The following PLCG2 variants were observed in gnomAD, a reference collection of about 807,000 sequenced individuals.
The protein encoded by PLCG2 is 1-phosphatidylinositol 4,5-bisphosphate phosphodiesterase gamma-2.
In PLCG2, 69 loss-of-function variants were observed where a neutral mutation model predicts 175.6. The ratio of observed to expected loss-of-function variants is 0.39; its 90% CI spans 0.32 to 0.48. The LOEUF (loss-of-function observed/expected upper bound fraction) is 0.48, where lower values mean the gene tolerates loss of function less well. Among genes scored for constraint, PLCG2 ranks in the 20% least tolerant of loss-of-function variants. PLCG2 has a pLI of 0.91. For missense variants in PLCG2, 1,798 were observed against 1,650.9 expected (o/e 1.09, Z -1.54); for synonymous variants, 827 against 624.0 (o/e 1.33, Z -4.85).
intron 2 of PLCG2, among the ~76,000 whole-genome samples, chr16:81,803,070 C>G (rs186987756): frequency 1.3e-4 from 20 of 151,316 alleles, no homozygotes; most frequent in Admixed American, 7.9e-4. Context: ...ACAGAGTTTC[C>G]TATTCTGGAC....
At chr16:81,897,883 T>C (rs144863459) in intron 13 of PLCG2, 2 of 455,726 alleles carry the variant, frequency 4.4e-6, no homozygotes, top group African/African-American at 2.0e-5. Flanking sequence ...CAGATGTCCC[T>C]TGAGCTGGGT....
intron 9 of PLCG2, among the ~76,000 whole-genome samples, chr16:81,885,037 G>C (rs1908287048): frequency 6.9e-6 from 1 of 145,980 alleles, no homozygotes; most frequent in Non-Finnish European, 1.5e-5. Context: ...ACAGGTATGT[G>C]CCACCATGCC....
intron 19 of PLCG2, among the ~76,000 whole-genome samples, chr16:81,914,824 G>A (rs887567740): frequency 6.6e-6 from 1 of 152,150 alleles, no homozygotes; most frequent in Non-Finnish European, 1.5e-5. Flanking sequence ...AATCAGCAAG[G>A]ATGGCCGCTC....
At chr16:81,942,496 AG>A (rs1431179263) in intron 30 of PLCG2, among the ~76,000 whole-genome samples, 1 of 152,218 alleles carries the variant, frequency 6.6e-6, no homozygotes, top group Non-Finnish European at 1.5e-5. Flanking sequence ...GGAGGCATTG[AG>A]GGTCTTCCAT....
At chr16:81,788,440 C>A (rs1597318938) in intron 2 of PLCG2, among the ~76,000 whole-genome samples, 1 of 152,084 alleles carries the variant, frequency 6.6e-6, no homozygotes, top group Non-Finnish European at 1.5e-5. Context: ...GCCACCACGC[C>A]CGGCTAATTT....
chr16:81,828,102 A>AG (rs1479405989), intron 2 of PLCG2, among the ~76,000 whole-genome samples: 1 of 151,568 alleles, frequency 6.6e-6, no homozygotes, highest in East Asian at 1.9e-4. Flanking sequence ...AAAAAAAAAA[A>AG]AAAAAAAAAA....
At chr16:81,791,139 G>A (rs1352072472) in intron 2 of PLCG2, among the ~76,000 whole-genome samples, 1 of 152,176 alleles carries the variant, frequency 6.6e-6, no homozygotes, top group South Asian at 2.1e-4. Context: ...TGGAGTCCCA[G>A]CTTGCAAGAG....
chr16:81,876,595 C>G (rs888203548), intron 7 of PLCG2, among the ~76,000 whole-genome samples: 1 of 152,296 alleles, frequency 6.6e-6, no homozygotes, highest in Admixed American at 6.5e-5. Flanking sequence ...AGCCTTTTAG[C>G]TACCAGAAGA....
chr16:81,746,491 A>G (rs1210675344), intron 1 of PLCG2, among the ~76,000 whole-genome samples: 2 of 152,336 alleles, frequency 1.3e-5, no homozygotes, highest in Admixed American at 6.5e-5. Context: ...ACGTAGTCCA[A>G]GAGCCAGGGG....
In PLCG2 at chr16:81,957,526, G is replaced by C. The variant is rs182822170; in HGVS notation, c.3756-430G>C. On this transcript the variant is annotated intron_variant, in intron 32 of 32. Transcript: ENST00000564138. ...AGAATGGGCTAGTCCAGCGGCTCTA[G>C]ACTGGGTCAAGATCCCCCAACAGGG... Among the ~76,000 whole-genome samples the C allele has an allele frequency of 8.5e-5, 13 of 152,268 alleles. No individual in the cohort carries two copies. In the Middle Eastern group the frequency reaches 0.014, roughly 159 times the overall value.
chr16:81,772,253 A>T (rs1910297650), intron 2 of PLCG2, among the ~76,000 whole-genome samples: 1 of 152,124 alleles, frequency 6.6e-6, no homozygotes, highest in Admixed American at 6.6e-5. Flanking sequence ...AGTTAGAGTG[A>T]TGCAGCTCCA....
In PLCG2 at chr16:81,829,393, G is replaced by A. The variant is rs573396097; in HGVS notation, c.194-25051G>A. 2.6e-5 allele frequency among the ~76,000 whole-genome samples: 4 copies of A among 152,316 alleles called. No individual in the cohort carries two copies. The East Asian group carries it at 7.7e-4, about 29-fold the overall frequency. Reference sequence around the variant, plus strand: ...CAAAGTGCTGGGATTACAGGCGTGAGCCACCGTGCCTAGCCAGTTTCACCA... The same window carrying A: ...CAAAGTGCTGGGATTACAGGCGTGAACCACCGTGCCTAGCCAGTTTCACCA... On this transcript the variant is annotated intron_variant, in intron 2 of 32. Transcript: ENST00000564138.
At chr16:81,933,162 T>C (rs1416420820) in intron 25 of PLCG2, among the ~76,000 whole-genome samples, 1 of 152,234 alleles carries the variant, frequency 6.6e-6, no homozygotes, top group Non-Finnish European at 1.5e-5. Context: ...TCTGCATTCC[T>C]CTCTAACTGG....
chr16:81,805,768 T>TTTTTTTG (rs1567473523), intron 2 of PLCG2, among the ~76,000 whole-genome samples: 8 of 76,146 alleles, frequency 1.1e-4, no homozygotes, highest in African/African-American at 4.3e-4. Context: ...TTTTGTTTTG[T>TTTTTTTG]TTTTTTTTTT....
At chr16:81,809,683 G>C (rs918620550) in intron 2 of PLCG2, among the ~76,000 whole-genome samples, 4 of 151,752 alleles carry the variant, frequency 2.6e-5, no homozygotes, top group Non-Finnish European at 5.9e-5. Context: ...GTTCCCTGCG[G>C]TGTGTGAGCC....
Position 81,883,302 on chromosome 16 carries a change from C to T in PLCG2, c.726C>T (p.Tyr242=), listed in dbSNP as rs1361018059. The T allele has an allele frequency of 6.2e-7, 1 of 1,614,142 alleles. No individual in the cohort carries two copies. The highest frequency in any genetic ancestry group is 1.1e-5 in the South Asian group (1 of 91,084). Residue 242 remains tyrosine (Y), a synonymous_variant, in exon 9 of 33, where the codon TAC becomes TAT. Transcript: ENST00000564138. ...ACAGGCCGGATGCCTCTGCTGTTTA[C>T]CTGCATGACTTCCAGAGGTTTCTCA... ...NTDRPDASAV[Y]LHDFQRFLIH...
Position 81,938,728 on chromosome 16 carries a change from C to T in PLCG2, c.3199-73C>T, listed in dbSNP as rs181477368. 64 of 845,020 alleles carry T rather than the reference C, an allele frequency of 7.6e-5. No homozygotes were observed. The African/African-American group carries it at 8.9e-4, about 12-fold the overall frequency. The allele number at this position is 845,020 out of a possible 1,614,324, so 52.3% of individuals were successfully genotyped here. ...AACTCATCCAGTGTCACTCTAGAAC[C>T]CAGCTGCAATCCACGCTAGGCTGCC... On this transcript the variant is annotated intron_variant, in intron 28 of 32. Transcript: ENST00000564138.
At chr16:81,950,025 G>T (rs1029716682) in intron 31 of PLCG2, among the ~76,000 whole-genome samples, 8 of 151,958 alleles carry the variant, frequency 5.3e-5, no homozygotes, top group Non-Finnish European at 8.8e-5. Flanking sequence ...AAGAAATAAG[G>T]AGGAAAAAAG....
At chr16:81,757,773 C>T (rs183643540) in intron 2 of PLCG2, among the ~76,000 whole-genome samples, 16 of 152,174 alleles carry the variant, frequency 1.1e-4, no homozygotes, top group Admixed American at 1.0e-3. Flanking sequence ...AACTTTTCAT[C>T]ACCCCCAAAC....
Sources: gnomAD v4.1 joint callset for allele counts (sites outside exome capture counted in the v4.1 genomes callset) on GRCh38, gnomAD v4.1.1 for gene constraint, MANE v1.5 for transcripts, NCBI Gene and HGNC (gene_info 2026-07-23, HGNC 2026-07-21) for gene names.